The following ARHGAP39 variants were observed in gnomAD, a reference collection of about 807,000 sequenced individuals.
ARHGAP39 encodes the protein Rho GTPase activating protein 39.
ARHGAP39 carries 44 observed loss-of-function variants against 106.9 expected under a neutral mutation model. The observed-to-expected ratio is 0.41, with a 90% CI of 0.32 to 0.53. The LOEUF is 0.53. ARHGAP39 is among the 20% of genes least tolerant of loss of function. The pLI is 0.21. For missense variants in ARHGAP39, 1,496 were observed against 1,577.3 expected (o/e 0.95, Z 0.87); for synonymous variants, 768 against 693.2 (o/e 1.11, Z -1.69).
At chr8:144,608,949 T>C (rs1480429951) in intron 1 of ARHGAP39, among the ~76,000 whole-genome samples, 1 of 152,218 alleles carries the variant, frequency 6.6e-6, no homozygotes, top group Non-Finnish European at 1.5e-5. Flanking sequence ...GTTCTAATTG[T>C]TTTTCACAGA....
chr8:144,611,066 AC>A (rs1270445667), intron 1 of ARHGAP39, among the ~76,000 whole-genome samples: 1 of 152,126 alleles, frequency 6.6e-6, no homozygotes, highest in Non-Finnish European at 1.5e-5. Flanking sequence ...GGATCCTCCC[AC>A]CTTTGCCTCC....
chr8:144,598,906 A>T (rs562210487), intron 2 of ARHGAP39, among the ~76,000 whole-genome samples: 1 of 152,256 alleles, frequency 6.6e-6, no homozygotes, highest in Non-Finnish European at 1.5e-5. Flanking sequence ...TATAAATTTG[A>T]GCATGAAAAG....
At chr8:144,612,984 T>C (rs1487597962) in intron 1 of ARHGAP39, among the ~76,000 whole-genome samples, 2 of 152,270 alleles carry the variant, frequency 1.3e-5, no homozygotes, top group African/African-American at 2.4e-5. Flanking sequence ...ATTAAGTATT[T>C]TATGTGGGTC....
intron 4 of ARHGAP39, among the ~76,000 whole-genome samples, chr8:144,554,025 T>C (rs1817822109): frequency 6.6e-6 from 1 of 152,212 alleles, no homozygotes; most frequent in South Asian, 2.1e-4. Flanking sequence ...GTACTCGTGG[T>C]CTGAACAGGG....
At chr8:144,634,089 C>T (rs1433315728) in intron 1 of ARHGAP39, among the ~76,000 whole-genome samples, 1 of 152,300 alleles carries the variant, frequency 6.6e-6, no homozygotes, top group Non-Finnish European at 1.5e-5. Context: ...AGTCCCTGAG[C>T]CACTGGGCTC....
At chr8:144,583,172 G>T (rs2130904179) in intron 2 of ARHGAP39, among the ~76,000 whole-genome samples, 1 of 152,280 alleles carries the variant, frequency 6.6e-6, no homozygotes, top group Non-Finnish European at 1.5e-5. Context: ...CCCACAGTGG[G>T]TCCCCCAGTC....
intron 1 of ARHGAP39, among the ~76,000 whole-genome samples, chr8:144,614,775 C>T (rs1820591373): frequency 6.6e-6 from 1 of 152,220 alleles, no homozygotes; most frequent in African/African-American, 2.4e-5. Context: ...CTGTTCTCCA[C>T]TGGGTACGCT....
At chr8:144,686,106 C>T (rs541643363), upstream of ARHGAP39, among the ~76,000 whole-genome samples, 1 of 152,054 alleles carries the variant, frequency 6.6e-6, no homozygotes, top group African/African-American at 2.4e-5. Flanking sequence ...CCGTCTCTTT[C>T]GGTGCAGAGC....
intron 1 of ARHGAP39, among the ~76,000 whole-genome samples, chr8:144,658,431 T>C (rs1821749183): frequency 1.3e-5 from 2 of 152,186 alleles, no homozygotes; most frequent in South Asian, 2.1e-4. Context: ...TGTGCCACCA[T>C]GCCCAGCTAA....
chr8:144,587,883 T>C lies in ARHGAP39; in HGVS notation c.81-6606A>G, dbSNP rs1413973247. Among the ~76,000 whole-genome samples the C allele has an allele frequency of 3.9e-5, 6 of 152,218 alleles. No homozygotes were observed. In the East Asian group the frequency reaches 9.7e-4, roughly 25 times the overall value. On this transcript the variant is annotated intron_variant, in intron 2 of 11. Coordinates refer to ENST00000377307, the MANE Select transcript of ARHGAP39 (RefSeq NM_025251.3). ...GGCCAGGCTGGTCTCGAACTACTGA[T>C]CTGCCCGCTTTGGCCTCCCAAAGTG...
rs988710161 is a variant in ARHGAP39, at chr8:144,679,839, G to A, written c.-82+5847C>T. ...ACTAAAAACACAAAAAATTAGCCGG[G>A]CATGGTGGTAGGCACCTGTAGTCCC... On this transcript the variant is annotated intron_variant, in intron 1 of 11. Coordinates refer to ENST00000377307, the MANE Select transcript of ARHGAP39 (RefSeq NM_025251.3). The surrounding 1 kb of genome is among the most constrained non-coding windows in gnomAD (Gnocchi z 4.7). Among the ~76,000 whole-genome samples, 8 of 152,272 alleles carry A rather than the reference G, an allele frequency of 5.3e-5. No individual in the cohort carries two copies. The highest frequency in any genetic ancestry group is 1.7e-4 in the African/African-American group (7 of 41,554).
chr8:144,607,404 C>G (rs923136696), intron 1 of ARHGAP39, among the ~76,000 whole-genome samples: 6 of 152,194 alleles, frequency 3.9e-5, no homozygotes, highest in Admixed American at 6.5e-5. Context: ...TATGGCTGCT[C>G]CTAGCCTTGG....
chr8:144,580,034 C>T (rs536693601), intron 3 of ARHGAP39, among the ~76,000 whole-genome samples: 1 of 152,242 alleles, frequency 6.6e-6, no homozygotes, highest in East Asian at 1.9e-4. Flanking sequence ...AGCCCTTCCC[C>T]ACTGTCCTGC....
At chr8:144,695,529 C>A in the ARHGAP39 span, among the ~76,000 whole-genome samples, 1 of 152,034 alleles carries the variant, frequency 6.6e-6, no homozygotes, top group South Asian at 2.1e-4. Flanking sequence ...TGTACTTGAG[C>A]GAGTTAGAGA....
At chr8:144,691,872 G>A in the ARHGAP39 span, among the ~76,000 whole-genome samples, 11 of 152,062 alleles carry the variant, frequency 7.2e-5, no homozygotes, top group South Asian at 2.3e-3. Context: ...GTGGCGGGGA[G>A]GGGACAAGAA....
the ARHGAP39 span, among the ~76,000 whole-genome samples, chr8:144,692,591 G>A: frequency 1.2e-4 from 19 of 152,256 alleles, no homozygotes; most frequent in African/African-American, 4.1e-4. Flanking sequence ...CTGTGGACCG[G>A]CTTGCTCTTC....
intron 3 of ARHGAP39, among the ~76,000 whole-genome samples, chr8:144,571,025 G>A (rs538612492): frequency 6.6e-6 from 1 of 152,108 alleles, no homozygotes. Context: ...AGGACCAGAC[G>A]GATTCACAGC....
intron 2 of ARHGAP39, among the ~76,000 whole-genome samples, chr8:144,589,923 G>A (rs920172264): frequency 2.0e-5 from 3 of 152,232 alleles, no homozygotes; most frequent in South Asian, 2.1e-4. Context: ...GCTGAGATGC[G>A]TGGGAGCCCC....
chr8:144,606,048 C>G (rs944303585), intron 1 of ARHGAP39, among the ~76,000 whole-genome samples: 2 of 152,214 alleles, frequency 1.3e-5, no homozygotes, highest in African/African-American at 4.8e-5. Flanking sequence ...GGAGGGCGAA[C>G]AGGAGGACAC....
Sources: allele counts gnomAD v4.1 joint callset (sites outside exome capture counted in the v4.1 genomes callset), GRCh38; gene constraint gnomAD v4.1.1; non-coding constraint Gnocchi (gnomAD v3.1); transcripts MANE v1.5; gene names NCBI Gene and HGNC (gene_info 2026-07-23, HGNC 2026-07-21).